The following PIBF1 variants were observed in gnomAD, a reference collection of about 807,000 sequenced individuals.
The protein encoded by PIBF1 is progesterone-induced-blocking factor 1.
A neutral mutation model predicts 112.5 loss-of-function variants in PIBF1; 90 were observed. The observed-to-expected ratio is 0.80, with a 90% CI of 0.67 to 0.95. The LOEUF is 0.95. Ranked by LOEUF, PIBF1 falls within the 40% of genes least tolerant of loss-of-function variation. The probability of loss-of-function intolerance (pLI) is 0.00; values close to 1 mark genes in which losing one functional copy is unlikely to be tolerated. For missense variants in PIBF1, 915 were observed against 852.3 expected, an observed-to-expected ratio of 1.07 and a Z score of -0.92; for synonymous variants, 301 against 288.6, an observed-to-expected ratio of 1.04 and a Z score of -0.44.
intron 16 of PIBF1, among the ~76,000 whole-genome samples, chr13:72,991,031 T>C (rs986283669): frequency 6.6e-6 from 1 of 152,208 alleles, no homozygotes; most frequent in Non-Finnish European, 1.5e-5. Flanking sequence ...ATAGTTTGCA[T>C]TATGCTTGTC....
chr13:72,793,826 A>G (rs1195546443), intron 3 of PIBF1, among the ~76,000 whole-genome samples: 1 of 152,240 alleles, frequency 6.6e-6, no homozygotes, highest in Non-Finnish European at 1.5e-5. Flanking sequence ...GAAAGAAATC[A>G]TGGTAGCAAA....
chr13:72,838,203 T>C (rs2037446197), intron 9 of PIBF1, among the ~76,000 whole-genome samples: 1 of 152,198 alleles, frequency 6.6e-6, no homozygotes, highest in Non-Finnish European at 1.5e-5. Context: ...CTAGACATCA[T>C]AGGTAGTGGT....
intron 17 of PIBF1, among the ~76,000 whole-genome samples, chr13:72,999,362 A>G (rs1020512606): frequency 6.6e-6 from 1 of 152,148 alleles, no homozygotes; most frequent in African/African-American, 2.4e-5. Flanking sequence ...AAAATAGAGA[A>G]AATAAATTAG....
rs117721304 is a variant in PIBF1 at position 72,825,789 on chromosome 13, G to T, written c.807-1221G>T. ...AAAAGCATTAAAAAGAACCAAGCTG[G>T]TTACAGCGTGTCATGTCTGTAATCC... On this transcript the variant is annotated intron_variant, in intron 6 of 17. Transcript: ENST00000326291. Among the ~76,000 whole-genome samples, 796 of 151,936 alleles carry T rather than the reference G, an allele frequency of 5.2e-3. 16 individuals are homozygous for T. The highest frequency in any genetic ancestry group is 4.3e-3 in the Non-Finnish European group (293 of 68,014).
chr13:72,791,773 C>T (rs112967190), intron 2 of PIBF1, among the ~76,000 whole-genome samples: 2,578 of 152,036 alleles, frequency 0.017, 45 homozygotes, highest in Middle Eastern at 0.041. Flanking sequence ...GCTGTGACTA[C>T]AGGCGCCCGC....
intron 16 of PIBF1, among the ~76,000 whole-genome samples, chr13:72,993,964 T>C (rs1330524251): frequency 6.6e-6 from 1 of 151,866 alleles, no homozygotes; most frequent in African/African-American, 2.4e-5. Flanking sequence ...GTTAAAAAGT[T>C]AACTGGGGAC....
At chr13:72,944,824 T>C (rs1364248431) in intron 14 of PIBF1, among the ~76,000 whole-genome samples, 1 of 152,140 alleles carries the variant, frequency 6.6e-6, no homozygotes, top group Non-Finnish European at 1.5e-5. Flanking sequence ...TGGAGTGCAG[T>C]GGCATAATCT....
chr13:73,004,952 A>G (rs890186259), intron 17 of PIBF1, among the ~76,000 whole-genome samples: 1 of 152,230 alleles, frequency 6.6e-6, no homozygotes, highest in Non-Finnish European at 1.5e-5. Context: ...TGGGAGGCCA[A>G]GGTGTGGGGA....
intron 5 of PIBF1, among the ~76,000 whole-genome samples, chr13:72,805,252 C>T (rs1384685617): frequency 6.6e-6 from 1 of 152,220 alleles, no homozygotes; most frequent in Non-Finnish European, 1.5e-5. Context: ...ACGCCATTCT[C>T]CTGCCTCAAC....
chr13:72,938,249 T>A (rs546453169), intron 14 of PIBF1, among the ~76,000 whole-genome samples: 1 of 152,120 alleles, frequency 6.6e-6, no homozygotes, highest in Admixed American at 6.6e-5. Flanking sequence ...TACGATTTAG[T>A]AGCTCATGGT....
chr13:72,855,694 G>A (rs916550485), intron 10 of PIBF1, among the ~76,000 whole-genome samples: 1 of 152,060 alleles, frequency 6.6e-6, no homozygotes, highest in East Asian at 1.9e-4. Context: ...AGATCATGGT[G>A]TAAAAGATCA....
At chr13:73,009,863 GC>G (rs2139055515) in intron 17 of PIBF1, among the ~76,000 whole-genome samples, 1 of 152,316 alleles carries the variant, frequency 6.6e-6, no homozygotes, top group African/African-American at 2.4e-5. Flanking sequence ...CTGCAGTGTA[GC>G]AGACACAGAT....
chr13:72,987,638 TTTTA>T (rs947480411), intron 16 of PIBF1, among the ~76,000 whole-genome samples: 3 of 150,088 alleles, frequency 2.0e-5, no homozygotes, highest in African/African-American at 4.9e-5. Context: ...TGAGCCTTCT[TTTTA>T]TTTATTTATT....
At chr13:72,932,871 A>G (rs2041752498) in intron 14 of PIBF1, among the ~76,000 whole-genome samples, 1 of 152,146 alleles carries the variant, frequency 6.6e-6, no homozygotes, top group African/African-American at 2.4e-5. Flanking sequence ...AATTTTCAGG[A>G]TTCATTTGTA....
At chr13:72,907,845 A>G (rs1427159285) in intron 11 of PIBF1, among the ~76,000 whole-genome samples, 1 of 152,032 alleles carries the variant, frequency 6.6e-6, no homozygotes, top group Non-Finnish European at 1.5e-5. Flanking sequence ...CTCTTTTTTT[A>G]GTTAATTTAT....
At chr13:72,990,020 A>C (rs182017490) in intron 16 of PIBF1, among the ~76,000 whole-genome samples, 1 of 149,578 alleles carries the variant, frequency 6.7e-6, no homozygotes, top group Non-Finnish European at 1.5e-5. Context: ...TCGAGATCAG[A>C]CTGGCCAATA....
chr13:72,789,283 C>T (rs1206655586), intron 2 of PIBF1, among the ~76,000 whole-genome samples: 1 of 152,122 alleles, frequency 6.6e-6, no homozygotes, highest in Non-Finnish European at 1.5e-5. Context: ...TTACTGGGCT[C>T]AAGCAATCCT....
chr13:72,953,318 C>G (rs923406248), intron 14 of PIBF1, among the ~76,000 whole-genome samples: 2 of 152,160 alleles, frequency 1.3e-5, no homozygotes, highest in Non-Finnish European at 2.9e-5. Context: ...GACTCAAGGC[C>G]TGCAGACTGG....
intron 16 of PIBF1, among the ~76,000 whole-genome samples, chr13:72,989,496 A>G (rs779398662): frequency 6.6e-5 from 10 of 152,236 alleles, no homozygotes; most frequent in Non-Finnish European, 5.9e-5. Flanking sequence ...CAGACGGTAT[A>G]TGATTCCACT....
Sources: allele counts gnomAD v4.1 joint callset (sites outside exome capture counted in the v4.1 genomes callset), GRCh38; gene constraint gnomAD v4.1.1; transcripts MANE v1.5; gene names NCBI Gene and HGNC (gene_info 2026-07-23, HGNC 2026-07-21).